The following CSPG4 variants were observed in gnomAD, a reference collection of about 807,000 sequenced individuals.
The protein encoded by CSPG4 is chondroitin sulfate proteoglycan 4 (melanoma-associated).
A neutral mutation model predicts 139.3 loss-of-function variants in CSPG4; 74 were observed. That is an observed-to-expected ratio of 0.53 (90% CI 0.44 to 0.64). The LOEUF is 0.64. CSPG4 is among the 30% of genes least tolerant of loss of function. The pLI is 0.00. For missense variants in CSPG4, 2,565 were observed against 3,148.3 expected (o/e 0.81, Z 4.43); for synonymous variants, 1,234 against 1,394.2 (o/e 0.89, Z 2.56).
intron 1 of CSPG4, among the ~76,000 whole-genome samples, chr15:75,706,007 C>CTG (rs369653176): frequency 1.3e-5 from 2 of 152,040 alleles, no homozygotes; most frequent in Non-Finnish European, 2.9e-5. Context: ...GTCTGTGTCT[C>CTG]TGTGTGTGTG....
intron 1 of CSPG4, among the ~76,000 whole-genome samples, chr15:75,693,806 G>A (rs925239370): frequency 2.6e-5 from 4 of 152,260 alleles, no homozygotes; most frequent in African/African-American, 9.6e-5. Flanking sequence ...GGATCTGGGG[G>A]TGGTGTCAGC....
rs1407353332 is a variant in CSPG4 at position 75,676,734 on chromosome 15, G to C, written c.5785C>G (p.Leu1929Val). 2.5e-6 allele frequency: 4 copies of C among 1,577,534 alleles called. No individual in the cohort carries two copies. The highest frequency in any genetic ancestry group is 2.7e-5 in the African/African-American group (2 of 74,306). ...ATGTCCACAGCCAGGGACATGGGCA[G>C]GGGTGGGCTGGCCCCATCAGACATG... ...LSMSDGASPPLPMSLAVDILP... is the reference protein window; with the variant it reads ...LSMSDGASPPVPMSLAVDILP... The change falls in exon 10 of 10, where the codon CTG becomes GTG. Residue 1929 changes from leucine (L) to valine (V), a missense_variant. Coordinates refer to ENST00000308508, the MANE Select transcript of CSPG4 (RefSeq NM_001897.5).
rs1333337501 is a variant in CSPG4 at position 75,684,719 on chromosome 15, C to T, written c.4449+17G>A. On this transcript the variant is annotated intron_variant, in intron 5 of 9. Coordinates refer to ENST00000308508, the MANE Select transcript of CSPG4 (RefSeq NM_001897.5). ...TTCTCGAAGCAGACATGGGGGTGTT[C>T]CCAGGGATGCTCTCACCTGCAGGCC... 2 of 1,606,136 alleles carry T rather than the reference C, an allele frequency of 1.2e-6. No individual in the cohort carries two copies. Among genetic ancestry groups the T allele is most frequent in the Admixed American group, 3.3e-5 (2 of 59,828 alleles).
intron 1 of CSPG4, among the ~76,000 whole-genome samples, chr15:75,710,500 G>A (rs1894435060): frequency 6.6e-6 from 1 of 152,158 alleles, no homozygotes; most frequent in Admixed American, 6.5e-5. Context: ...CTGGGCTGCT[G>A]GGGTTCTTGG....
At position 75,696,543 on chromosome 15, in the gene CSPG4, G is replaced by A. The variant is rs918156731; in HGVS notation, c.89-3310C>T. Among the ~76,000 whole-genome samples, 1 of 152,108 alleles carries A rather than the reference G, an allele frequency of 6.6e-6. No homozygotes were observed. The highest frequency in any genetic ancestry group is 1.5e-5 in the Non-Finnish European group (1 of 67,986). Reference sequence around the variant, plus strand: ...GCGTGTGTGGGCCGGGAGCTGCCAGGACAGAGCAATGATTGTGCCCGGGCC... The same window carrying A: ...GCGTGTGTGGGCCGGGAGCTGCCAGAACAGAGCAATGATTGTGCCCGGGCC... On this transcript the variant is annotated intron_variant, in intron 1 of 9. Transcript: ENST00000308508. The surrounding 1 kb of genome is among the most constrained non-coding windows in gnomAD (Gnocchi z 4.2).
rs1241045909 is a variant in CSPG4 at position 75,698,589 on chromosome 15, C to T, written c.89-5356G>A. Among the ~76,000 whole-genome samples the T allele has an allele frequency of 1.3e-5, 2 of 152,152 alleles. No homozygotes were observed. The highest frequency in any genetic ancestry group is 2.1e-4 in the South Asian group (1 of 4,816). ...GTGTCACATGTACACACGTGTGTGG[C>T]GGCAAGGCAGGCGAGGAAGGGGTGC... is the stretch of plus-strand genomic sequence containing the variant. On this transcript the variant is annotated intron_variant, in intron 1 of 9. Coordinates refer to ENST00000308508, the MANE Select transcript of CSPG4 (RefSeq NM_001897.5). The surrounding 1 kb of genome is among the most constrained non-coding windows in gnomAD (Gnocchi z 4.3).
intron 3 of CSPG4, among the ~76,000 whole-genome samples, chr15:75,686,593 G>C (rs1894062285): frequency 6.6e-6 from 1 of 152,224 alleles, no homozygotes; most frequent in Non-Finnish European, 1.5e-5. Flanking sequence ...CTGATGGCCT[G>C]TGCTCTTCAG....
rs767839720 is a variant in CSPG4, at chr15:75,676,469, A to T, written c.6050T>A (p.Phe2017Tyr). Reference protein sequence around the residue: ...QGEVVFAFTNFSSSHDHFRVL... With the variant: ...QGEVVFAFTNYSSSHDHFRVL... ...TCTGAAGTGGTCATGAGAGGAGGAGAAGTTGGTGAAGGCAAAGACCACCTC... is the reference window on the plus strand; with the variant it reads ...TCTGAAGTGGTCATGAGAGGAGGAGTAGTTGGTGAAGGCAAAGACCACCTC... Residue 2017 changes from phenylalanine (F) to tyrosine (Y), a missense_variant, in exon 10 of 10, where the codon TTC becomes TAC. By Grantham distance (22) the Phe-to-Tyr change is conservative (BLOSUM62 3). Around this residue, in one of 5 missense-constraint regions of CSPG4, gnomAD observed 2,316 missense variants for 2,818.2 expected, o/e 0.82. Coordinates refer to ENST00000308508, the MANE Select transcript of CSPG4 (RefSeq NM_001897.5). The T allele has an allele frequency of 6.2e-7, 1 of 1,613,698 alleles. No homozygotes were observed. Among genetic ancestry groups the T allele is most frequent in the African/African-American group, 1.3e-5 (1 of 74,890 alleles).
rs1566972502 is a variant in CSPG4 at position 75,682,635 on chromosome 15, C to T, written c.4755G>A (p.Lys1585=). ...GGCAGACAGTCAGTGTCTGGCTGCC[C>T]TTCAGCGAGAGGAGCACTTGCTTCT... The part of the protein sequence containing the change: ...TAQKQVLLSL[K]GSQTLTVCPG... The change falls in exon 7 of 10, where the codon AAG becomes AAA. Residue 1585 remains lysine, a synonymous_variant. Coordinates refer to ENST00000308508, the MANE Select transcript of CSPG4 (RefSeq NM_001897.5). 1 of 1,613,162 alleles carries T rather than the reference C, an allele frequency of 6.2e-7. No homozygotes were observed. Among genetic ancestry groups the T allele is most frequent in the South Asian group, 1.1e-5 (1 of 91,086 alleles).
intron 1 of CSPG4, among the ~76,000 whole-genome samples, chr15:75,701,295 G>A (rs1428260759): frequency 1.3e-5 from 2 of 152,204 alleles, no homozygotes; most frequent in Non-Finnish European, 2.9e-5. Flanking sequence ...AGCATCTAAG[G>A]GAACGAAAGG....
Position 75,678,771 on chromosome 15 carries a change from C to T in CSPG4, c.4951-885G>A, listed in dbSNP as rs774975147. 4.9e-4 allele frequency: 224 copies of T among 456,332 alleles called. 2 individuals carry two copies. The highest frequency in any genetic ancestry group is 7.4e-4 in the Non-Finnish European group (169 of 226,974). 28.3% of individuals were successfully genotyped at this position (456,332 alleles called of 1,614,324 possible). On this transcript the variant is annotated intron_variant, in intron 8 of 9. Coordinates refer to ENST00000308508, the MANE Select transcript of CSPG4 (RefSeq NM_001897.5). ...CGCTCTCCCCCAGGCATTCTTGGGTCTCTCTACCCAGGATTTTGCTCCCCC... is the reference window on the plus strand; with the variant it reads ...CGCTCTCCCCCAGGCATTCTTGGGTTTCTCTACCCAGGATTTTGCTCCCCC...
Position 75,687,548 on chromosome 15 carries a change from G to C in CSPG4, c.3517C>G (p.Arg1173Gly). 1 of 1,611,064 alleles carries C rather than the reference G, an allele frequency of 6.2e-7. No homozygotes were observed. The highest frequency in any genetic ancestry group is 2.2e-5 in the East Asian group (1 of 44,856). Reference sequence around the variant, plus strand: ...CCAGCCCGGACTAGCTGTCCCCAGCGAGGGCCAGCTGTGACGTGGTAGTGG... The same window carrying C: ...CCAGCCCGGACTAGCTGTCCCCAGCCAGGGCCAGCTGTGACGTGGTAGTGG... ...EVHYHVTAGPRWGQLVRAGQP... is the reference protein window; with the variant it reads ...EVHYHVTAGPGWGQLVRAGQP... The change falls in exon 3 of 10, where the codon CGC (arginine) becomes GGC (glycine). Residue 1173 changes from arginine (R) to glycine (G), a missense_variant. Coordinates refer to ENST00000308508, the MANE Select transcript of CSPG4 (RefSeq NM_001897.5). The surrounding 1 kb of genome is among the most constrained non-coding windows in gnomAD (Gnocchi z 5.4).
intron 8 of CSPG4, chr15:75,678,749 T>A (rs1367550241): frequency 4.4e-6 from 2 of 456,262 alleles, no homozygotes; most frequent in Admixed American, 4.7e-5. Flanking sequence ...TAGTCCACGC[T>A]CTCCCCCAGG....
chr15:75,683,628 G>A (rs963926254), intron 5 of CSPG4, among the ~76,000 whole-genome samples: 4 of 152,216 alleles, frequency 2.6e-5, no homozygotes, highest in African/African-American at 9.6e-5. Flanking sequence ...CCCTCCTTAT[G>A]TTGGGCAAAG....
Position 75,676,019 on chromosome 15 carries a change from G to A in CSPG4, c.6500C>T (p.Ala2167Val). ...CAGGGCCACGCTGTAGGGCCGGGCA[G>A]CATTGTAAGGCTCAGTGGCAAAGTC... Reference protein sequence around the residue: ...SLDFATEPYNAARPYSVALLS... With the variant: ...SLDFATEPYNVARPYSVALLS... Residue 2167 changes from alanine (A) to valine (V), a missense_variant, in exon 10 of 10, where the codon GCT becomes GTT. Coordinates refer to ENST00000308508, the MANE Select transcript of CSPG4 (RefSeq NM_001897.5). 5 of 1,559,202 alleles carry A rather than the reference G, an allele frequency of 3.2e-6. No homozygotes were observed. The highest frequency in any genetic ancestry group is 4.3e-6 in the Non-Finnish European group (5 of 1,157,318).
rs761925866 is a variant in CSPG4 at position 75,690,338 on chromosome 15, C to A, written c.727G>T (p.Ala243Ser). Residue 243 changes from alanine (A) to serine (S), a missense_variant, in exon 3 of 10, where the codon GCA (alanine) becomes TCA (serine). Transcript: ENST00000308508. ...QSRQAPLAFQ[A>S]GGRRGDFIYV... is the part of the protein sequence containing the mutation. ...ATGAAGTCCCCACGCCGGCCCCCTG[C>A]CTGGAAGGCCAAGGGTGCCTGCCGG... The A allele has an allele frequency of 5.0e-6, 8 of 1,612,328 alleles. No individual in the cohort carries two copies. The South Asian group carries it at 7.7e-5, about 15-fold the overall frequency.
At chr15:75,707,401 A>G (rs1894387991) in intron 1 of CSPG4, among the ~76,000 whole-genome samples, 1 of 152,264 alleles carries the variant, frequency 6.6e-6, no homozygotes, top group African/African-American at 2.4e-5. Flanking sequence ...CATCTTCAAA[A>G]TATCTCACTA....
At position 75,676,599 on chromosome 15, in the gene CSPG4, C is replaced by T; in HGVS notation, c.5920G>A (p.Glu1974Lys). 1 of 1,611,464 alleles carries T rather than the reference C, an allele frequency of 6.2e-7. No homozygotes were observed. The highest frequency in any genetic ancestry group is 8.5e-7 in the Non-Finnish European group (1 of 1,179,028). ...QQLRVVSDRE[E>K]PEAAYRLIQG... ...ATGAGGCGGTATGCTGCCTCTGGCTCCTCCCGATCTGAAACCACCCGGAGC... is the reference window on the plus strand; with the variant it reads ...ATGAGGCGGTATGCTGCCTCTGGCTTCTCCCGATCTGAAACCACCCGGAGC... Residue 1974 changes from glutamate (E) to lysine (K), a missense_variant, in exon 10 of 10, where the codon GAG (glutamate) becomes AAG (lysine). Physicochemically the swap from Glu to Lys is moderately conservative, Grantham distance 56 (BLOSUM62 1). This residue lies in a region of CSPG4 where 2,316 missense variants were observed against 2,818.2 expected (regional missense o/e 0.82). Coordinates refer to ENST00000308508, the MANE Select transcript of CSPG4 (RefSeq NM_001897.5).
chr15:75,681,782 C>T (rs901956281), intron 8 of CSPG4, among the ~76,000 whole-genome samples: 1 of 152,220 alleles, frequency 6.6e-6, no homozygotes, highest in African/African-American at 2.4e-5. Flanking sequence ...ACAGCAGCTT[C>T]ACCCTCTTGG....
Sources: allele counts gnomAD v4.1 joint callset (sites outside exome capture counted in the v4.1 genomes callset), GRCh38; gene constraint gnomAD v4.1.1; regional missense constraint gnomAD v4.1.1; non-coding constraint Gnocchi (gnomAD v3.1); transcripts MANE v1.5; gene names NCBI Gene and HGNC (gene_info 2026-07-23, HGNC 2026-07-21).